The following DGKH variants were observed in gnomAD, a reference collection of about 807,000 sequenced individuals.
DGKH encodes diacylglycerol kinase eta.
In DGKH, 90 loss-of-function variants were observed where a neutral mutation model predicts 159.3. That is an observed-to-expected ratio of 0.57 (90% confidence interval 0.48 to 0.67). The LOEUF (loss-of-function observed/expected upper bound fraction) is 0.67, where lower values mean the gene tolerates loss of function less well. DGKH is among the 30% of genes least tolerant of loss of function. The pLI is 0.00. For missense variants in DGKH, 1,181 were observed against 1,506.1 expected, an observed-to-expected ratio of 0.78 and a Z score of 3.57; for synonymous variants, 536 against 553.8, an observed-to-expected ratio of 0.97 and a Z score of 0.45.
intron 1 of DGKH, among the ~76,000 whole-genome samples, chr13:42,060,749 C>A (rs529423542): frequency 6.6e-6 from 1 of 152,278 alleles, no homozygotes; most frequent in African/African-American, 2.4e-5. Flanking sequence ...TTGTTCATTT[C>A]TGTATATCTT....
intron 3 of DGKH, among the ~76,000 whole-genome samples, 191 bp from the exon 4 acceptor site, chr13:42,155,100 A>T (rs991360460): frequency 2.0e-5 from 3 of 152,216 alleles, no homozygotes; most frequent in Admixed American, 2.0e-4. Context: ...AGTCAGTAGC[A>T]AAAGGATCAA....
In DGKH at chr13:42,237,726, C is replaced by T. The variant is rs369613360; in HGVS notation, c.*8538C>T. 12 of 152,258 alleles carry T rather than the reference C, an allele frequency of 7.9e-5. No homozygotes were observed. The East Asian group carries it at 2.1e-3, about 27-fold the overall frequency. 9.4% of individuals were successfully genotyped at this position (152,258 alleles called of 1,614,324 possible). On this transcript the variant is annotated 3_prime_UTR_variant, in exon 30 of 30. Coordinates refer to ENST00000337343, the MANE Select transcript of DGKH (RefSeq NM_178009.5). The stretch of plus-strand genomic sequence containing the variant: ...ATCATTCAAGACATTTGATGGAGTC[C>T]ACACAAGGGTTTATGATGTGGGGCA...
At chr13:42,059,183 T>C (rs1164428714) in intron 1 of DGKH, among the ~76,000 whole-genome samples, 1 of 152,206 alleles carries the variant, frequency 6.6e-6, no homozygotes, top group African/African-American at 2.4e-5. Flanking sequence ...CCTATGTGTG[T>C]CTTTTACATA....
chr13:42,180,262 G>A (rs1956716625), intron 13 of DGKH, among the ~76,000 whole-genome samples: 1 of 152,202 alleles, frequency 6.6e-6, no homozygotes, highest in African/African-American at 2.4e-5. Context: ...GGGACAAACT[G>A]GAGATTTGTC....
At chr13:42,148,301 T>C (rs1411423074) in intron 3 of DGKH, among the ~76,000 whole-genome samples, 1 of 152,190 alleles carries the variant, frequency 6.6e-6, no homozygotes, top group Middle Eastern at 3.2e-3. Context: ...TAAATCTTAG[T>C]ATTTTGGACT....
At chr13:42,082,457 A>T (rs1050110698) in intron 1 of DGKH, among the ~76,000 whole-genome samples, 1 of 152,106 alleles carries the variant, frequency 6.6e-6, no homozygotes, top group Non-Finnish European at 1.5e-5. Context: ...CCCAAATTAT[A>T]TTCAGCCATC....
chr13:42,063,948 A>ATATAT lies in DGKH; in HGVS notation c.192+14983_192+14984insTATAT, dbSNP rs554731471. 3.2e-4 allele frequency among the ~76,000 whole-genome samples: 41 copies of ATATAT among 128,856 alleles called. 1 individual carries two copies. The highest frequency in any genetic ancestry group is 3.8e-3 in the Middle Eastern group (1 of 262). 84.5% of individuals were successfully genotyped at this position (128,856 alleles called of 152,430 possible). A position where few individuals can be genotyped will look rare whatever the true frequency, so the allele number is the denominator to read the frequency against. Reference sequence around the variant, plus strand: ...GAGCAAAACTCCGTCTGAAAAAAAAAATATATATATATATATACTGTGGGC... The same window carrying ATATAT: ...GAGCAAAACTCCGTCTGAAAAAAAAATATATATATATATATATATATACTGTGGGC... On this transcript the variant is annotated intron_variant, in intron 1 of 29. Coordinates refer to ENST00000337343, the MANE Select transcript of DGKH (RefSeq NM_178009.5).
rs1958381284 is a variant in DGKH, at chr13:42,234,731, A to C, written c.*5543A>C. ...AGAATAGCCTCCCAGAGCAGTCCCC[A>C]CAGCACTTGGTTGCCATGGGTTTCT... On this transcript the variant is annotated 3_prime_UTR_variant, in exon 30 of 30. Transcript: ENST00000337343. 6.6e-6 allele frequency: 1 copy of C among 152,146 alleles called. No homozygotes were observed. The highest frequency in any genetic ancestry group is 2.4e-5 in the African/African-American group (1 of 41,434). 9.4% of individuals were successfully genotyped at this position (152,146 alleles called of 1,614,324 possible). A position where few individuals can be genotyped will look rare whatever the true frequency, so the allele number is the denominator to read the frequency against.
intron 11 of DGKH, among the ~76,000 whole-genome samples, chr13:42,171,328 G>T (rs1354461083): frequency 6.6e-6 from 1 of 152,150 alleles, no homozygotes; most frequent in Admixed American, 6.5e-5. Flanking sequence ...TAGTGTCCAG[G>T]GTCCTTTCTC....
chr13:42,174,686 G>T (rs1381789390), intron 12 of DGKH, among the ~76,000 whole-genome samples: 1 of 152,082 alleles, frequency 6.6e-6, no homozygotes, highest in Non-Finnish European at 1.5e-5. Context: ...CTTACTGCTT[G>T]CTTTGCGTAC....
chr13:42,171,802 G>A (rs929539902), intron 11 of DGKH, among the ~76,000 whole-genome samples: 1 of 150,666 alleles, frequency 6.6e-6, no homozygotes, highest in East Asian at 2.0e-4. Flanking sequence ...GATAAATGAT[G>A]GCTTTTGGTT....
chr13:42,114,513 A>G (rs971424109), intron 1 of DGKH, among the ~76,000 whole-genome samples: 1 of 152,174 alleles, frequency 6.6e-6, no homozygotes, highest in Non-Finnish European at 1.5e-5. Context: ...GCTCTCGCTG[A>G]GCATGCAGGC....
intron 1 of DGKH, among the ~76,000 whole-genome samples, chr13:42,042,629 G>A (rs1880581024): frequency 6.6e-6 from 1 of 152,132 alleles, no homozygotes; most frequent in African/African-American, 2.4e-5. Context: ...TATGTTCCGG[G>A]ACTGTTGGAT....
rs147921059 is a variant in DGKH, at chr13:42,188,008, A to G, written c.1638+860A>G. Among the ~76,000 whole-genome samples, 227 of 152,360 alleles carry G rather than the reference A, an allele frequency of 1.5e-3. 1 individual carries two copies. The highest frequency in any genetic ancestry group is 5.1e-3 in the African/African-American group (214 of 41,576). On this transcript the variant is annotated intron_variant, in intron 14 of 29. Transcript: ENST00000337343. ...AGGCTTGAGTATCTTGGGCTTGCAA[A>G]GGAATTAACTTCCCCAAATCCATGT...
intron 12 of DGKH, among the ~76,000 whole-genome samples, chr13:42,175,549 T>G (rs1956578383): frequency 6.6e-6 from 1 of 152,184 alleles, no homozygotes; most frequent in East Asian, 1.9e-4. Flanking sequence ...ACTTCAGAAA[T>G]GTCTGTTTTC....
At chr13:42,148,096 C>T (rs1955783751) in intron 3 of DGKH, among the ~76,000 whole-genome samples, 1 of 152,148 alleles carries the variant, frequency 6.6e-6, no homozygotes, top group Non-Finnish European at 1.5e-5. Flanking sequence ...TTTGCCAATC[C>T]TTCATTCTCT....
intron 29 of DGKH, among the ~76,000 whole-genome samples, chr13:42,224,980 A>AC (rs1351061781): frequency 6.6e-6 from 1 of 152,098 alleles, no homozygotes; most frequent in Non-Finnish European, 1.5e-5. Context: ...GGAGTGCAGT[A>AC]ATGCAATCAT....
chr13:42,192,734 T>C (rs1957113302), intron 16 of DGKH, among the ~76,000 whole-genome samples: 1 of 152,166 alleles, frequency 6.6e-6, no homozygotes, highest in Non-Finnish European at 1.5e-5. Flanking sequence ...TCTCTCACCT[T>C]ACATCTTCTT....
chr13:42,051,266 C>T (rs961815717), intron 1 of DGKH, among the ~76,000 whole-genome samples: 1 of 152,138 alleles, frequency 6.6e-6, no homozygotes, highest in African/African-American at 2.4e-5. Flanking sequence ...TACAATTTCT[C>T]CTATGTTAGA....
Sources: allele counts gnomAD v4.1 joint callset (sites outside exome capture counted in the v4.1 genomes callset), GRCh38; gene constraint gnomAD v4.1.1; transcripts MANE v1.5; gene names NCBI Gene and HGNC (gene_info 2026-07-23, HGNC 2026-07-21).